Variants in CYFIP2 observed in about 807,000 individuals in gnomAD.
The protein encoded by CYFIP2 is cytoplasmic FMR1 interacting protein 2.
Under a neutral mutation model 158.7 loss-of-function variants are expected in CYFIP2, and 29 were observed. The ratio of observed to expected loss-of-function variants is 0.18; its 90% CI spans 0.14 to 0.25. The LOEUF (loss-of-function observed/expected upper bound fraction) is 0.25, where lower values mean the gene tolerates loss of function less well. CYFIP2 is among the 10% of genes least tolerant of loss of function. The pLI is 1.00. For missense variants in CYFIP2, 852 were observed against 1,639.5 expected, an observed-to-expected ratio of 0.52 and a Z score of 8.29; for synonymous variants, 585 against 617.6, an observed-to-expected ratio of 0.95 and a Z score of 0.78.
intron 22 of CYFIP2, 42 bp downstream of exon 22, chr5:157,339,298 G>T: frequency 6.3e-7 from 1 of 1,578,424 alleles, no homozygotes; most frequent in South Asian, 1.1e-5. Context: ...TGGGGGTTGG[G>T]GGAGTGGCCA....
At chr5:157,309,321 A>G (rs1034839650) in intron 9 of CYFIP2, among the ~76,000 whole-genome samples, 1 of 152,186 alleles carries the variant, frequency 6.6e-6, no homozygotes, top group Non-Finnish European at 1.5e-5. Flanking sequence ...TTGCTTTGAA[A>G]GTACAGACTT....
chr5:157,390,510 C>A lies in CYFIP2; in HGVS notation c.3447-11C>A. 1 of 1,549,288 alleles carries A rather than the reference C, an allele frequency of 6.5e-7. No individual in the cohort carries two copies. Among genetic ancestry groups the A allele is most frequent in the African/African-American group, 1.4e-5 (1 of 73,094 alleles). On this transcript the variant is annotated splice_polypyrimidine_tract_variant and intron_variant, in intron 29 of 30. Coordinates refer to ENST00000620254, the MANE Select transcript of CYFIP2 (RefSeq NM_001037333.3). ...CCTCTCACTCCAGCTGCTTCCTCCC[C>A]CTGCTCCCAGGCAGTGTTTCGGCGA... is the stretch of plus-strand genomic sequence containing the variant.
chr5:157,395,525 T>C lies in CYFIP2; in HGVS notation c.*2525T>C, dbSNP rs892395088. 1 of 787,288 alleles carries C rather than the reference T, an allele frequency of 1.3e-6. No homozygotes were observed. The highest frequency in any genetic ancestry group is 1.9e-6 in the Non-Finnish European group (1 of 534,848). The allele number at this position is 787,288 out of a possible 1,614,324, so 48.8% of individuals were successfully genotyped here. ...GAAGATGATATTTTGATTTGTATTTTGGGGGTACCTGTGTTGAGTTGATAA... is the reference window on the plus strand; with the variant it reads ...GAAGATGATATTTTGATTTGTATTTCGGGGGTACCTGTGTTGAGTTGATAA... On this transcript the variant is annotated 3_prime_UTR_variant, in exon 31 of 31. Transcript: ENST00000620254.
intron 14 of CYFIP2, among the ~76,000 whole-genome samples, chr5:157,320,393 A>G (rs557539025): frequency 3.9e-5 from 6 of 152,314 alleles, no homozygotes; most frequent in African/African-American, 1.2e-4. Flanking sequence ...GTCTCACTCG[A>G]TGGGCTCAGA....
At chr5:157,297,111 C>T (rs1305977235) in intron 5 of CYFIP2, among the ~76,000 whole-genome samples, 1 of 152,182 alleles carries the variant, frequency 6.6e-6, no homozygotes, top group African/African-American at 2.4e-5. Flanking sequence ...GCTTTAGGGA[C>T]AGCCTCTCAG....
chr5:157,389,293 G>A lies in CYFIP2; in HGVS notation c.3312G>A (p.Gln1104=), dbSNP rs1767017937. The A allele has an allele frequency of 6.8e-6, 11 of 1,613,962 alleles. 1 individual carries two copies. Among genetic ancestry groups the A allele is most frequent in the East Asian group, 4.5e-5 (2 of 44,898 alleles). Residue 1104 remains glutamine, a synonymous_variant, in exon 29 of 31, where the codon CAG becomes CAA. Coordinates refer to ENST00000620254, the MANE Select transcript of CYFIP2 (RefSeq NM_001037333.3). The part of the protein sequence containing the change: ...VILTRIRSYL[Q]DPIWRGPPPT... ...TGACCCGCATTCGGAGCTACCTGCA[G>A]GACCCCATCTGGCGGGGCCCACCGC...
chr5:157,287,298 C>T (rs1322281271), intron 3 of CYFIP2, among the ~76,000 whole-genome samples, 190 bp downstream of exon 3: 2 of 152,186 alleles, frequency 1.3e-5, no homozygotes, highest in African/African-American at 2.4e-5. Context: ...ATACAGTTCC[C>T]CTTTATTGTC....
At chr5:157,382,731 G>A in intron 27 of CYFIP2, 69 bp downstream of exon 27, 4 of 1,474,782 alleles carry the variant, frequency 2.7e-6, no homozygotes, top group South Asian at 1.2e-5. Flanking sequence ...CCTAATTGCA[G>A]TCAACTCAGA....
chr5:157,309,723 T>C lies in CYFIP2; in HGVS notation c.901-20T>C. The C allele has an allele frequency of 6.3e-7, 1 of 1,585,894 alleles. No homozygotes were observed. Among genetic ancestry groups the C allele is most frequent in the Non-Finnish European group, 8.6e-7 (1 of 1,165,840 alleles). ...AACCCCTCCTCAGCATCTCACGAGCTGTGTTTGCTTCCTTTGCAGCAGCTG... is the reference window on the plus strand; with the variant it reads ...AACCCCTCCTCAGCATCTCACGAGCCGTGTTTGCTTCCTTTGCAGCAGCTG... On this transcript the variant is annotated intron_variant, in intron 9 of 30. Coordinates refer to ENST00000620254, the MANE Select transcript of CYFIP2 (RefSeq NM_001037333.3).
Position 157,339,120 on chromosome 5 carries a change from C to T in CYFIP2, c.2449C>T (p.Leu817=). ...THRLLCKHMT[L]DSFDAMFREA... ...TCGGCTGCTCTGTAAGCATATGACG[C>T]TGGACAGCTTCGATGCCATGTTCCG... The change falls in exon 22 of 31, where the codon CTG becomes TTG. Residue 817 remains leucine, a synonymous_variant. Transcript: ENST00000620254. 1 of 1,614,010 alleles carries T rather than the reference C, an allele frequency of 6.2e-7. No individual in the cohort carries two copies. Among genetic ancestry groups the T allele is most frequent in the South Asian group, 1.1e-5 (1 of 91,084 alleles).
Position 157,393,129 on chromosome 5 carries a change from C to A in CYFIP2, c.*129C>A. 2 of 985,566 alleles carry A rather than the reference C, an allele frequency of 2.0e-6. No individual in the cohort carries two copies. The highest frequency in any genetic ancestry group is 2.9e-6 in the Non-Finnish European group (2 of 679,950). The allele number at this position is 985,566 out of a possible 1,614,324, so 61.1% of individuals were successfully genotyped here. A position where few individuals can be genotyped will look rare whatever the true frequency, so the allele number is the denominator to read the frequency against. On this transcript the variant is annotated 3_prime_UTR_variant, in exon 31 of 31. Transcript: ENST00000620254. ...ACCTGGAAACAAGCACCTCCCCAAA[C>A]ACATCACCACTCCCTAGGGCGGGGC...
intron 1 of CYFIP2, among the ~76,000 whole-genome samples, chr5:157,281,328 T>C (rs1580962444): frequency 1.3e-5 from 2 of 152,296 alleles, no homozygotes; most frequent in East Asian, 3.9e-4. Flanking sequence ...CATTTGTTTG[T>C]AGAGGTTGGA....
chr5:157,384,164 C>G, intron 28 of CYFIP2: 1 of 393,552 alleles, frequency 2.5e-6, no homozygotes, highest in South Asian at 1.9e-5. Flanking sequence ...TTGTTAAAAA[C>G]CAGTACGAGT....
chr5:157,392,896 A>G lies in CYFIP2; in HGVS notation c.3658A>G (p.Ile1220Val), dbSNP rs2113571623. Reference sequence around the variant, plus strand: ...GATCTTGAACAATGAGGTTTTTGCCATCCTGAACAAATACATGAAGTCCGT... The same window carrying G: ...GATCTTGAACAATGAGGTTTTTGCCGTCCTGAACAAATACATGAAGTCCGT... ...YQILNNEVFAILNKYMKSVET... is the reference protein window; with the variant it reads ...YQILNNEVFAVLNKYMKSVET... The change falls in exon 31 of 31, where the codon ATC becomes GTC. Residue 1220 changes from isoleucine (I) to valine (V), a missense_variant. Transcript: ENST00000620254. The G allele has an allele frequency of 1.9e-6, 3 of 1,613,982 alleles. No homozygotes were observed. The highest frequency in any genetic ancestry group is 2.5e-6 in the Non-Finnish European group (3 of 1,179,880).
At chr5:157,281,306 C>T (rs73302154) in intron 1 of CYFIP2, among the ~76,000 whole-genome samples, 2,973 of 152,146 alleles carry the variant, frequency 0.02, 106 homozygotes, top group African/African-American at 0.069. Context: ...GATGATGATC[C>T]GTGCCTAGAT....
At chr5:157,364,924 T>C (rs1764226214) in intron 26 of CYFIP2, 2 of 151,930 alleles carry the variant, frequency 1.3e-5, no homozygotes, top group African/African-American at 2.4e-5. Flanking sequence ...CTGAAGCAGG[T>C]AAAAAGAATA....
chr5:157,326,157 T>C lies in CYFIP2; in HGVS notation c.1983-14T>C. On this transcript the variant is annotated splice_polypyrimidine_tract_variant and intron_variant, in intron 17 of 30. Transcript: ENST00000620254. ...GTTATTAGCAAGCGGCTGGCTGTGT[T>C]TTTCCCTCTTCAGGTATGTCCTCTA... The C allele has an allele frequency of 6.2e-7, 1 of 1,604,898 alleles. No individual in the cohort carries two copies.
chr5:157,376,864 T>C (rs1010187101), intron 26 of CYFIP2: 16 of 456,352 alleles, frequency 3.5e-5, no homozygotes, highest in African/African-American at 3.2e-4. Flanking sequence ...TCACATCTAG[T>C]TGCCTTTTAG....
intron 15 of CYFIP2, among the ~76,000 whole-genome samples, chr5:157,323,701 C>G (rs1760789532): frequency 6.6e-6 from 1 of 152,210 alleles, no homozygotes; most frequent in African/African-American, 2.4e-5. Flanking sequence ...GTGGCCAGGT[C>G]CACTGGCCCA....
Sources: allele counts gnomAD v4.1 joint callset (sites outside exome capture counted in the v4.1 genomes callset), GRCh38; gene constraint gnomAD v4.1.1; transcripts MANE v1.5; gene names NCBI Gene and HGNC (gene_info 2026-07-23, HGNC 2026-07-21).